IQGAP2: variants seen among roughly 807,000 people sequenced by gnomAD.
IQGAP2 encodes ras GTPase-activating-like protein IQGAP2.
Under a neutral mutation model 201.3 loss-of-function variants are expected in IQGAP2, and 173 were observed. That is an observed-to-expected ratio of 0.86 (90% CI 0.76 to 0.98). IQGAP2 has a LOEUF of 0.98. Among genes scored for constraint, IQGAP2 ranks in the 50% least tolerant of loss-of-function variants. The pLI is 0.00. For missense variants in IQGAP2, 1,687 were observed against 1,864.8 expected (o/e 0.90, Z 1.76); for synonymous variants, 675 against 673.9 (o/e 1.00, Z -0.03).
rs537283820 is a variant in IQGAP2, at chr5:76,439,131, C to T, written c.47-22439C>T. On this transcript the variant is annotated intron_variant, in intron 1 of 35. Coordinates refer to ENST00000274364, the MANE Select transcript of IQGAP2 (RefSeq NM_006633.5). Reference sequence around the variant, plus strand: ...TGTTAACCTAAAAATCATTCTGGAGCAGATTAATTTCCATGTATTTGTATA... The same window carrying T: ...TGTTAACCTAAAAATCATTCTGGAGTAGATTAATTTCCATGTATTTGTATA... 4.0e-4 allele frequency among the ~76,000 whole-genome samples: 61 copies of T among 152,196 alleles called. No individual in the cohort carries two copies. In the South Asian group the frequency reaches 0.012, roughly 30 times the overall value.
intron 1 of IQGAP2, among the ~76,000 whole-genome samples, chr5:76,431,796 C>G (rs1016864657): frequency 2.0e-5 from 3 of 148,840 alleles, no homozygotes; most frequent in South Asian, 2.1e-4. Context: ...GCACTCCAGC[C>G]TGGCGACAGA....
intron 2 of IQGAP2, among the ~76,000 whole-genome samples, chr5:76,483,118 TTAA>T (rs1200869364): frequency 2.0e-5 from 3 of 152,244 alleles, no homozygotes; most frequent in African/African-American, 7.2e-5. Context: ...GCAGCCCAAC[TTAA>T]TTAGAGTCAA....
intron 1 of IQGAP2, among the ~76,000 whole-genome samples, chr5:76,416,729 T>C (rs1467733588): frequency 2.0e-5 from 3 of 152,152 alleles, no homozygotes; most frequent in African/African-American, 7.2e-5. Context: ...GGTTTCATCA[T>C]ATTGGCCAGG....
intron 21 of IQGAP2, among the ~76,000 whole-genome samples, chr5:76,662,783 A>T (rs1345369877): frequency 6.6e-6 from 1 of 152,188 alleles, no homozygotes; most frequent in African/African-American, 2.4e-5. Flanking sequence ...CTTTCTTTGT[A>T]CTGAAGACAT....
intron 30 of IQGAP2, among the ~76,000 whole-genome samples, chr5:76,689,235 A>T (rs1054482980): frequency 8.3e-5 from 12 of 145,100 alleles, no homozygotes; most frequent in Middle Eastern, 3.3e-3. Flanking sequence ...ATATTTAAAA[A>T]AAAAAAAAAA....
intron 1 of IQGAP2, chr5:76,404,445 T>A: frequency 1.0e-6 from 1 of 985,150 alleles, no homozygotes; most frequent in Non-Finnish European, 1.2e-6. Flanking sequence ...AAAGTTGGCC[T>A]GCTGTCTCTC....
intron 3 of IQGAP2, among the ~76,000 whole-genome samples, chr5:76,567,569 A>G (rs1216562089): frequency 1.3e-5 from 2 of 152,290 alleles, no homozygotes; most frequent in African/African-American, 2.4e-5. Context: ...TGCTTGTTCT[A>G]AGGTACTTGA....
chr5:76,467,505 A>G (rs947161983), intron 2 of IQGAP2, among the ~76,000 whole-genome samples: 1 of 152,236 alleles, frequency 6.6e-6, no homozygotes, highest in African/African-American at 2.4e-5. Context: ...GTTAGTGAGG[A>G]TGTAGAGAAA....
At chr5:76,408,575 T>C (rs1380244638) in intron 1 of IQGAP2, among the ~76,000 whole-genome samples, 1 of 152,136 alleles carries the variant, frequency 6.6e-6, no homozygotes, top group Admixed American at 6.5e-5. Flanking sequence ...AAGTAGTTTG[T>C]CATGATTCTC....
chr5:76,564,459 A>T (rs957424191), intron 3 of IQGAP2, among the ~76,000 whole-genome samples: 23 of 152,196 alleles, frequency 1.5e-4, no homozygotes, highest in African/African-American at 5.5e-4. Context: ...GGCTGGGAAG[A>T]CGGGCCCTTC....
Position 76,695,687 on chromosome 5 carries a change from T to G in IQGAP2, c.4206+21T>G, listed in dbSNP as rs571258102. ...CCAAGGTTTTTGGAAACAGTATTCT[T>G]TCTTCCTTCACTTAGCAGACATTTG... On this transcript the variant is annotated intron_variant, in intron 32 of 35. Coordinates refer to ENST00000274364, the MANE Select transcript of IQGAP2 (RefSeq NM_006633.5). 17 of 1,591,718 alleles carry G rather than the reference T, an allele frequency of 1.1e-5. No individual in the cohort carries two copies. The East Asian group carries it at 3.8e-4, about 36-fold the overall frequency.
At chr5:76,584,530 G>A (rs1746108424) in intron 5 of IQGAP2, among the ~76,000 whole-genome samples, 1 of 151,858 alleles carries the variant, frequency 6.6e-6, no homozygotes, top group Admixed American at 6.6e-5. Flanking sequence ...GCAAGGAAAA[G>A]AAGAGCCTCA....
At chr5:76,683,347 G>A in intron 29 of IQGAP2, 130 bp downstream of exon 29, 1 of 588,372 alleles carries the variant, frequency 1.7e-6, no homozygotes, top group Non-Finnish European at 3.0e-6. Flanking sequence ...CATATTTAAA[G>A]AATAACAACT....
rs567392354 is a variant in IQGAP2, at chr5:76,589,142, T to A, written c.526+169T>A. Among the ~76,000 whole-genome samples the A allele has an allele frequency of 8.6e-5, 13 of 151,142 alleles. No homozygotes were observed. The East Asian group carries it at 2.5e-3, about 29-fold the overall frequency. Reference sequence around the variant, plus strand: ...TCCTGACTAACAGTGAAACCCCGTCTCTACTAAAAAATACAAAAAATTAGC... The same window carrying A: ...TCCTGACTAACAGTGAAACCCCGTCACTACTAAAAAATACAAAAAATTAGC... On this transcript the variant is annotated intron_variant, in intron 6 of 35. Transcript: ENST00000274364.
chr5:76,485,276 G>A (rs1756050029), intron 2 of IQGAP2, among the ~76,000 whole-genome samples: 1 of 152,134 alleles, frequency 6.6e-6, no homozygotes, highest in African/African-American at 2.4e-5. Context: ...TATTTTTGTG[G>A]AATATTTGGA....
chr5:76,441,190 GTTA>G (rs368448677), intron 1 of IQGAP2, among the ~76,000 whole-genome samples: 9 of 152,304 alleles, frequency 5.9e-5, no homozygotes, highest in African/African-American at 2.2e-4. Context: ...TTTGTGAGGA[GTTA>G]ATTAGTTAAT....
intron 33 of IQGAP2, chr5:76,699,614 TC>T (rs1747094778): frequency 6.8e-5 from 3 of 44,362 alleles, no homozygotes; most frequent in Admixed American, 2.2e-4. Context: ...TTTCTCTCTC[TC>T]TCTCTCTCTC....
chr5:76,610,936 T>C (rs1270011941), intron 12 of IQGAP2, 84 bp from the exon 13 acceptor site: 7 of 1,130,930 alleles, frequency 6.2e-6, no homozygotes, highest in Admixed American at 2.2e-5. Context: ...GCTGTACTAG[T>C]TAATTAGCCT....
intron 1 of IQGAP2, among the ~76,000 whole-genome samples, chr5:76,426,732 C>G (rs1752022971): frequency 6.6e-6 from 1 of 152,170 alleles, no homozygotes; most frequent in African/African-American, 2.4e-5. Context: ...TTCCAGCTCT[C>G]ACAGCCCATG....
Sources: allele counts gnomAD v4.1 joint callset (sites outside exome capture counted in the v4.1 genomes callset), GRCh38; gene constraint gnomAD v4.1.1; transcripts MANE v1.5; gene names NCBI Gene and HGNC (gene_info 2026-07-23, HGNC 2026-07-21).